IL7: variants seen among roughly 807,000 people sequenced by gnomAD.
IL7 encodes the protein interleukin 7, also known as interleukin-7.
In IL7, 3 loss-of-function variants were observed where a neutral mutation model predicts 21.6. The ratio of observed to expected loss-of-function variants is 0.14; its 90% confidence interval spans 0.06 to 0.36. IL7 has a LOEUF of 0.36. IL7 is among the 10% of genes least tolerant of loss of function. The pLI, the probability that IL7 is intolerant of heterozygous loss-of-function variation, is 1.00. For missense variants in IL7, 175 were observed against 200.2 expected, an observed-to-expected ratio of 0.87 and a Z score of 0.76; for synonymous variants, 62 against 68.1, an observed-to-expected ratio of 0.91 and a Z score of 0.44.
At chr8:78,769,058 C>T (rs556386114) in intron 2 of IL7, among the ~76,000 whole-genome samples, 155 of 152,274 alleles carry the variant, frequency 1.0e-3, no homozygotes, top group African/African-American at 3.6e-3. Context: ...CTATCTATGA[C>T]AAACCCACAG....
At chr8:78,729,103 C>G (rs1317894572), downstream of IL7, among the ~76,000 whole-genome samples, 1 of 151,958 alleles carries the variant, frequency 6.6e-6, no homozygotes, top group African/African-American at 2.4e-5. Context: ...TATTGCCAGT[C>G]ATGTATTATA....
At chr8:78,735,845 A>G (rs763479679) in intron 5 of IL7, among the ~76,000 whole-genome samples, 1 of 152,100 alleles carries the variant, frequency 6.6e-6, no homozygotes, top group Non-Finnish European at 1.5e-5. Flanking sequence ...ACTTTTATGA[A>G]CCAGGTGTGC....
chr8:78,675,521 A>G (rs374430868), downstream of IL7, among the ~76,000 whole-genome samples: 374 of 152,112 alleles, frequency 2.5e-3, 3 homozygotes, highest in Admixed American at 6.4e-3. Flanking sequence ...TGCTTAAAAT[A>G]ATTACAAGAA....
At chr8:78,789,289 T>TG (rs1813610577) in intron 2 of IL7, among the ~76,000 whole-genome samples, 2 of 152,184 alleles carry the variant, frequency 1.3e-5, no homozygotes, top group Non-Finnish European at 2.9e-5. Context: ...TGCAACTGAT[T>TG]AGTCATGCTA....
chr8:78,797,103 T>A (rs1478977585), intron 2 of IL7, among the ~76,000 whole-genome samples: 1 of 151,864 alleles, frequency 6.6e-6, no homozygotes, highest in African/African-American at 2.4e-5. Context: ...CCACAAAAAA[T>A]CATGGGGGAT....
chr8:78,736,917 T>C (rs942548229), intron 4 of IL7, among the ~76,000 whole-genome samples: 1 of 152,084 alleles, frequency 6.6e-6, no homozygotes, highest in Admixed American at 6.5e-5. Flanking sequence ...GCTTCACTTA[T>C]CAGAAACAAA....
At chr8:78,773,000 TTTAC>T (rs1166157234) in intron 2 of IL7, among the ~76,000 whole-genome samples, 3 of 152,182 alleles carry the variant, frequency 2.0e-5, no homozygotes, top group African/African-American at 7.2e-5. Flanking sequence ...ATAATGACCA[TTTAC>T]TTAACAAATT....
chr8:78,734,515 G>A (rs184907371), intron 5 of IL7, among the ~76,000 whole-genome samples: 1 of 152,168 alleles, frequency 6.6e-6, no homozygotes. Context: ...ATAACAACTA[G>A]TTGATCACAA....
chr8:78,746,810 A>G (rs896129826), intron 2 of IL7: 4 of 345,592 alleles, frequency 1.2e-5, no homozygotes, highest in Admixed American at 4.0e-5. Context: ...ATAGAGAACT[A>G]TTGCTTTTTA....
intron 3 of IL7, among the ~76,000 whole-genome samples, chr8:78,724,973 A>G (rs1811315297): frequency 6.6e-6 from 1 of 151,936 alleles, no homozygotes; most frequent in Admixed American, 6.6e-5. Context: ...AATTATTTTG[A>G]TTTGTGATGT....
At chr8:78,718,454 T>C (rs1308783719) in intron 6 of IL7, 1 of 151,968 alleles carries the variant, frequency 6.6e-6, no homozygotes, top group African/African-American at 2.4e-5. Context: ...ATAATAGTTG[T>C]GGTAACTAAT....
chr8:78,701,444 G>A (rs1404284459), intron 3 of IL7, among the ~76,000 whole-genome samples: 3 of 152,202 alleles, frequency 2.0e-5, no homozygotes, highest in African/African-American at 7.2e-5. Flanking sequence ...TGCCAGCAGG[G>A]ATAGTTTGAC....
intron 1 of IL7, among the ~76,000 whole-genome samples, chr8:78,800,676 C>T (rs1814023873): frequency 6.6e-6 from 1 of 152,080 alleles, no homozygotes; most frequent in South Asian, 2.1e-4. Flanking sequence ...CAGATTCTGA[C>T]CTTGTAATCA....
chr8:78,772,668 G>A (rs1314992728), intron 2 of IL7, among the ~76,000 whole-genome samples: 1 of 152,116 alleles, frequency 6.6e-6, no homozygotes, highest in African/African-American at 2.4e-5. Context: ...AGATCCTGTG[G>A]CATATTTCTC....
At chr8:78,740,369 T>C (rs999010011) in intron 2 of IL7, among the ~76,000 whole-genome samples, 1 of 152,226 alleles carries the variant, frequency 6.6e-6, no homozygotes, top group Non-Finnish European at 1.5e-5. Flanking sequence ...TAGAAGTACC[T>C]ATTTTAGAAG....
At chr8:78,704,863 A>AG (rs1330287422) in intron 3 of IL7, among the ~76,000 whole-genome samples, 1 of 152,034 alleles carries the variant, frequency 6.6e-6, no homozygotes, top group African/African-American at 2.4e-5. Flanking sequence ...TCAAGCTCTG[A>AG]GATTTGTTCT....
intron 2 of IL7, among the ~76,000 whole-genome samples, chr8:78,755,908 G>T (rs1449217498): frequency 2.0e-5 from 3 of 151,886 alleles, no homozygotes; most frequent in African/African-American, 7.2e-5. Flanking sequence ...GTCTTATTCA[G>T]TTATTATAAG....
intron 3 of IL7, chr8:78,689,298 A>G: frequency 6.2e-7 from 1 of 1,604,136 alleles, no homozygotes; most frequent in South Asian, 1.1e-5. Flanking sequence ...TCTGTAAAGA[A>G]CAGGCAGCAC....
chr8:78,737,265 G>T (rs1441440606), intron 4 of IL7, among the ~76,000 whole-genome samples: 1 of 152,060 alleles, frequency 6.6e-6, no homozygotes, highest in African/African-American at 2.4e-5. Context: ...AAGAGTGGAG[G>T]CTTATAATCA....
Sources: gnomAD v4.1 joint callset for allele counts (sites outside exome capture counted in the v4.1 genomes callset) on GRCh38, gnomAD v4.1.1 for gene constraint, MANE v1.5 for transcripts, NCBI Gene and HGNC (gene_info 2026-07-23, HGNC 2026-07-21) for gene names.